The following EPB41 variants were observed in gnomAD, a reference collection of about 807,000 sequenced individuals.
The protein encoded by EPB41 is protein 4.1.
In EPB41, 65 loss-of-function variants were observed where a neutral mutation model predicts 108.0. That is an observed-to-expected ratio of 0.60 (90% CI 0.49 to 0.74). The LOEUF (loss-of-function observed/expected upper bound fraction) is 0.74, where lower values mean the gene tolerates loss of function less well. Among genes scored for constraint, EPB41 ranks in the 30% least tolerant of loss-of-function variants. The pLI, the probability that EPB41 is intolerant of heterozygous loss-of-function variation, is 0.00. For synonymous variants in EPB41, 336 were observed against 358.9 expected, an observed-to-expected ratio of 0.94 and a Z score of 0.72; for missense variants, 875 against 1,037.0, an observed-to-expected ratio of 0.84 and a Z score of 2.15.
intron 11 of EPB41, chr1:29,041,185 A>AAATG (rs932153482): frequency 6.8e-6 from 1 of 147,678 alleles, no homozygotes; most frequent in African/African-American, 2.6e-5. Context: ...ATAAATAAAT[A>AAATG]AATGTTCAGA....
At chr1:29,057,658 T>G (rs940882597) in intron 12 of EPB41, among the ~76,000 whole-genome samples, 2 of 152,174 alleles carry the variant, frequency 1.3e-5, no homozygotes, top group African/African-American at 4.8e-5. Context: ...TTAGTAAAAA[T>G]AATCAATTTT....
chr1:29,104,477 A>G (rs909130224), intron 17 of EPB41, among the ~76,000 whole-genome samples: 7 of 152,182 alleles, frequency 4.6e-5, no homozygotes, highest in Non-Finnish European at 7.3e-5. Flanking sequence ...TTACAGTGGC[A>G]TGACCACAGT....
At chr1:29,033,509 C>T (rs370919120) in intron 9 of EPB41, among the ~76,000 whole-genome samples, 22 of 152,048 alleles carry the variant, frequency 1.4e-4, no homozygotes, top group East Asian at 7.7e-4. Flanking sequence ...TCCTTGTTTA[C>T]GCCAAGCAAA....
At chr1:28,929,769 G>C (rs1034519484) in intron 1 of EPB41, among the ~76,000 whole-genome samples, 1 of 137,456 alleles carries the variant, frequency 7.3e-6, no homozygotes, top group African/African-American at 2.7e-5. Flanking sequence ...CCTGACCTCA[G>C]ATGATCTGCC....
intron 1 of EPB41, among the ~76,000 whole-genome samples, chr1:28,960,369 T>C (rs1486605817): frequency 5.9e-5 from 9 of 152,006 alleles, no homozygotes; most frequent in African/African-American, 2.2e-4. Flanking sequence ...TTAGGGAGAC[T>C]GCATTATTAT....
chr1:29,050,275 CCTTCTTTTCCACA>C lies in EPB41; in HGVS notation c.1637-2828_1637-2816del, dbSNP rs1338454074. 9.2e-5 allele frequency among the ~76,000 whole-genome samples: 14 copies of C among 152,324 alleles called. No homozygotes were observed. The East Asian group carries it at 1.2e-3, about 13-fold the overall frequency. On this transcript the variant is annotated intron_variant, in intron 11 of 20. Coordinates refer to ENST00000343067, the MANE Select transcript of EPB41 (RefSeq NM_001376013.1). ...GTTTCTGTCAGTTTCCACACTAATA[CCTTCTTTTCCACA>C]TACAGTACAGATTGCCAAGGCTAGG...
At chr1:28,998,788 G>A (rs970912544) in intron 4 of EPB41, among the ~76,000 whole-genome samples, 9 of 152,012 alleles carry the variant, frequency 5.9e-5, no homozygotes, top group East Asian at 1.9e-4. Flanking sequence ...TCAATATCAC[G>A]AAGAGAGTAA....
chr1:29,062,315 A>G (rs1021019133), intron 15 of EPB41, among the ~76,000 whole-genome samples: 2 of 152,230 alleles, frequency 1.3e-5, no homozygotes, highest in African/African-American at 4.8e-5. Context: ...TGGAACCTGC[A>G]GTACCAATCA....
intron 1 of EPB41, among the ~76,000 whole-genome samples, chr1:28,934,667 TGTGTGTGTGTGTGTGTG>T (rs1469462818): frequency 5.6e-3 from 7 of 1,250 alleles, no homozygotes; most frequent in African/African-American, 9.7e-3. Flanking sequence ...CTTTTGACAT[TGTGTGTGTGTGTGTGTG>T]TGTGTGTGTG....
At chr1:29,054,227 CTAGACTGACCTTTTATATG>C in intron 12 of EPB41, 1 of 152,260 alleles carries the variant, frequency 6.6e-6, no homozygotes, top group East Asian at 1.9e-4. Flanking sequence ...TAGACAGTGA[CTAGACTGACCTTTTATATG>C]TTAAGCTTTG....
intron 1 of EPB41, among the ~76,000 whole-genome samples, chr1:28,934,704 G>GTGTGT (rs1028346384): frequency 6.6e-6 from 1 of 151,182 alleles, no homozygotes; most frequent in African/African-American, 2.4e-5. Context: ...GTGTGTGTGT[G>GTGTGT]TATTTTAATA....
chr1:28,958,601 C>T (rs939098925), intron 1 of EPB41, among the ~76,000 whole-genome samples: 1 of 151,640 alleles, frequency 6.6e-6, no homozygotes, highest in African/African-American at 2.4e-5. Context: ...CACTTGAGGT[C>T]AGGAGTTTGA....
At chr1:28,923,042 G>A (rs1029134082) in intron 1 of EPB41, among the ~76,000 whole-genome samples, 2 of 149,562 alleles carry the variant, frequency 1.3e-5, no homozygotes, top group Non-Finnish European at 3.0e-5. Context: ...TGCACTGTTT[G>A]ATTCTGATAA....
At chr1:29,078,077 T>G (rs1480097628) in intron 16 of EPB41, among the ~76,000 whole-genome samples, 2 of 152,058 alleles carry the variant, frequency 1.3e-5, no homozygotes, top group African/African-American at 4.8e-5. Flanking sequence ...AATACAAAAA[T>G]TAGCCAGGTA....
intron 1 of EPB41, among the ~76,000 whole-genome samples, chr1:28,894,973 G>A (rs2090513445): frequency 6.6e-6 from 1 of 152,176 alleles, no homozygotes; most frequent in African/African-American, 2.4e-5. Context: ...CCTGGGATAA[G>A]GGCTGGGCTC....
chr1:28,919,770 T>C (rs2092943828), intron 1 of EPB41, among the ~76,000 whole-genome samples: 1 of 152,204 alleles, frequency 6.6e-6, no homozygotes, highest in Non-Finnish European at 1.5e-5. Context: ...GTCCTTTCTA[T>C]ATAGAAATTC....
At chr1:29,078,165 G>A (rs1384971033) in intron 16 of EPB41, among the ~76,000 whole-genome samples, 1 of 152,110 alleles carries the variant, frequency 6.6e-6, no homozygotes. Context: ...ATTGCAGTGA[G>A]CCAAAATTGC....
chr1:28,916,114 G>A (rs1484912226), intron 1 of EPB41, among the ~76,000 whole-genome samples: 1 of 152,016 alleles, frequency 6.6e-6, no homozygotes, highest in Non-Finnish European at 1.5e-5. Flanking sequence ...AAAATTTTTG[G>A]TTTGGGGTGT....
chr1:28,921,213 T>G (rs975850298), intron 1 of EPB41, among the ~76,000 whole-genome samples: 12 of 152,340 alleles, frequency 7.9e-5, no homozygotes, highest in Admixed American at 4.6e-4. Flanking sequence ...TTACATATAC[T>G]CTTAAGTAAT....
Sources: gnomAD v4.1 joint callset for allele counts (sites outside exome capture counted in the v4.1 genomes callset) on GRCh38, gnomAD v4.1.1 for gene constraint, MANE v1.5 for transcripts, NCBI Gene and HGNC (gene_info 2026-07-23, HGNC 2026-07-21) for gene names.